PTCH1: variants seen among roughly 807,000 people sequenced by gnomAD.
The protein encoded by PTCH1 is patched 1, also known as protein patched homolog 1.
Under a neutral mutation model 144.6 loss-of-function variants are expected in PTCH1, and 14 were observed. That is an observed-to-expected ratio of 0.10 (90% confidence interval 0.06 to 0.15). The LOEUF is 0.15. Among genes scored for constraint, PTCH1 ranks in the 10% least tolerant of loss-of-function variants. The pLI is 1.00. For synonymous variants in PTCH1, 833 were observed against 793.6 expected, an observed-to-expected ratio of 1.05 and a Z score of -0.83; for missense variants, 1,623 against 1,948.3, an observed-to-expected ratio of 0.83 and a Z score of 3.14.
At position 95,459,649 on chromosome 9, in the gene PTCH1, T is replaced by C. The variant is rs1161536679; in HGVS notation, c.2838A>G (p.Pro946=). The change falls in exon 17 of 24, where the codon CCA becomes CCG. Residue 946 remains proline, a synonymous_variant. Transcript: ENST00000331920. ...AGTCGGCTTTGTCGTGGACCCATTCTGGTCGGTGTGGCCGGATGTTGGCCT... is the reference window on the plus strand; with the variant it reads ...AGTCGGCTTTGTCGTGGACCCATTCCGGTCGGTGTGGCCGGATGTTGGCCT... ...ASQANIRPHR[P]EWVHDKADYM... The C allele has an allele frequency of 6.2e-7, 1 of 1,614,192 alleles. No homozygotes were observed. The highest frequency in any genetic ancestry group is 8.5e-7 in the Non-Finnish European group (1 of 1,180,040).
In PTCH1 at chr9:95,506,681, G is replaced by C. The variant is rs958190636; in HGVS notation, c.202-82C>G. The C allele has an allele frequency of 3.3e-5, 38 of 1,151,716 alleles. No individual in the cohort carries two copies. In the Admixed American group the frequency reaches 3.7e-4, roughly 11 times the overall value. The allele number at this position is 1,151,716 out of a possible 1,614,324, so 71.3% of individuals were successfully genotyped here. On this transcript the variant is annotated intron_variant, in intron 1 of 23. Transcript: ENST00000331920. ...ACGCCCGCTTGCGCGCACCCGCCCG[G>C]TGAGCCCCCAACAGCCGTGGGGGCG...
chr9:95,490,792 G>A (rs1252463115), intron 2 of PTCH1, among the ~76,000 whole-genome samples: 3 of 152,118 alleles, frequency 2.0e-5, no homozygotes, highest in Non-Finnish European at 4.4e-5. Context: ...ATACATTCTA[G>A]TGTTCCATAG....
rs763935951 is a variant in PTCH1 at position 95,462,008 on chromosome 9, G to A, written c.2561-10C>T. On this transcript the variant is annotated splice_polypyrimidine_tract_variant and intron_variant, in intron 15 of 23. Transcript: ENST00000331920. ...AATGCATCCTGAAGTCCTAGAAATGGCAAATGATTGTAACACATTATAACT... is the reference window on the plus strand; with the variant it reads ...AATGCATCCTGAAGTCCTAGAAATGACAAATGATTGTAACACATTATAACT... 7 of 1,614,046 alleles carry A rather than the reference G, an allele frequency of 4.3e-6. No homozygotes were observed. The African/African-American group carries it at 9.3e-5, about 22-fold the overall frequency.
At chr9:95,491,418 G>A (rs1842400467) in intron 2 of PTCH1, among the ~76,000 whole-genome samples, 2 of 152,180 alleles carry the variant, frequency 1.3e-5, no homozygotes, top group Non-Finnish European at 2.9e-5. Flanking sequence ...GAACCTCACA[G>A]GACTGTGAGA....
intron 22 of PTCH1, among the ~76,000 whole-genome samples, chr9:95,448,431 G>A (rs910563657): frequency 2.0e-5 from 3 of 152,118 alleles, no homozygotes; most frequent in African/African-American, 7.2e-5. Context: ...GTGGAGGAAA[G>A]GACCCAGGTC....
upstream of PTCH1, among the ~76,000 whole-genome samples, chr9:95,510,484 C>G (rs1844091979): frequency 6.6e-6 from 1 of 152,154 alleles, no homozygotes; most frequent in African/African-American, 2.4e-5. Context: ...CCAGACACGT[C>G]TACACAACTA....
intron 18 of PTCH1, among the ~76,000 whole-genome samples, chr9:95,456,924 T>C (rs1463108925): frequency 6.6e-6 from 1 of 152,092 alleles, no homozygotes; most frequent in Non-Finnish European, 1.5e-5. Flanking sequence ...AGTTTTGCTT[T>C]TGTGAGTGAA....
At chr9:95,516,794 A>T (rs764045852) in exon 1 of PTCH1, 2 of 1,611,488 alleles carry the variant, frequency 1.2e-6, no homozygotes, top group South Asian at 2.2e-5. Flanking sequence ...TCACAATTAC[A>T]AGCCTGTTTC....
Position 95,477,700 on chromosome 9 carries a change from G to A in PTCH1, c.1350C>T (p.Leu450=), listed in dbSNP as rs369109033. ...IRVASGYLLM[L]AYACLTMLRW... ...GCAGCATGGTTAGACAGGCATAGGC[G>A]AGCTGCAAGCAGAACAATGGGGGCA... is the stretch of plus-strand genomic sequence containing the variant. The change falls in exon 10 of 24, where the codon CTC becomes CTT. Residue 450 remains leucine, a splice_region_variant and synonymous_variant. Transcript: ENST00000331920. 8.7e-6 allele frequency: 14 copies of A among 1,613,960 alleles called. No individual in the cohort carries two copies. The African/African-American group carries it at 9.3e-5, about 11-fold the overall frequency.
chr9:95,508,065 G>C, intron 1 of PTCH1, 96 bp downstream of exon 1: 1 of 1,573,886 alleles, frequency 6.4e-7, no homozygotes, highest in Non-Finnish European at 8.6e-7. Flanking sequence ...GTGTGAGAGA[G>C]AGAGGAAGAG....
chr9:95,497,092 A>C (rs1842845596), intron 2 of PTCH1, among the ~76,000 whole-genome samples: 1 of 152,244 alleles, frequency 6.6e-6, no homozygotes. Flanking sequence ...TAAATTTCTT[A>C]ATCAGGAGAA....
intron 3 of PTCH1, chr9:95,483,095 C>T (rs1407380028): frequency 2.7e-5 from 4 of 150,666 alleles, no homozygotes; most frequent in Non-Finnish European, 4.4e-5. Context: ...GTGACTCTAT[C>T]TCTACAAAAA....
chr9:95,476,193 A>G lies in PTCH1; in HGVS notation c.1603-34T>C. The G allele has an allele frequency of 6.2e-7, 1 of 1,600,398 alleles. No homozygotes were observed. Among genetic ancestry groups the G allele is most frequent in the South Asian group, 1.1e-5 (1 of 88,998 alleles). ...AAAAAAACACAGCGCTGAGAGCTGCACTGGACATGGTCCCCTTGGAGCACA... is the reference window on the plus strand; with the variant it reads ...AAAAAAACACAGCGCTGAGAGCTGCGCTGGACATGGTCCCCTTGGAGCACA... On this transcript the variant is annotated intron_variant, in intron 11 of 23. Transcript: ENST00000331920. This position sits in a 1 kb window ranked among gnomAD's most constrained non-coding sequence, Gnocchi z 4.6.
intron 3 of PTCH1, chr9:95,483,224 T>A (rs1841694715): frequency 6.6e-6 from 1 of 151,554 alleles, no homozygotes; most frequent in African/African-American, 2.4e-5. Flanking sequence ...CTGTGATTGC[T>A]CCACTGCACT....
rs573861226 is a variant in PTCH1, at chr9:95,485,079, G to A, written c.584+606C>T. On this transcript the variant is annotated intron_variant, in intron 3 of 23. Transcript: ENST00000331920. Reference sequence around the variant, plus strand: ...AAATTAGCCAGGTGTGGTGGTGGGCGCCTCTAGCCCCAGCTCCTTGGGAAG... The same window carrying A: ...AAATTAGCCAGGTGTGGTGGTGGGCACCTCTAGCCCCAGCTCCTTGGGAAG... Among the ~76,000 whole-genome samples, 18 of 152,152 alleles carry A rather than the reference G, an allele frequency of 1.2e-4. No individual in the cohort carries two copies. The Middle Eastern group carries it at 0.01, about 86-fold the overall frequency.
rs188320042 is a variant in PTCH1 at position 95,445,490 on chromosome 9, C to G, written c.*903G>C. ...GGTTCCAGCATCCATCACAATGATC[C>G]GAGAGAAGGAGATTATCCCCCTGAA... On this transcript the variant is annotated 3_prime_UTR_variant, in exon 24 of 24. Coordinates refer to ENST00000331920, the MANE Select transcript of PTCH1 (RefSeq NM_000264.5). 2 of 152,144 alleles carry G rather than the reference C, an allele frequency of 1.3e-5. No homozygotes were observed. The highest frequency in any genetic ancestry group is 2.9e-5 in the Non-Finnish European group (2 of 68,090). The allele number at this position is 152,144 out of a possible 1,614,324, so 9.4% of individuals were successfully genotyped here. A position where few individuals can be genotyped will look rare whatever the true frequency, so the allele number is the denominator to read the frequency against.
Position 95,508,490 on chromosome 9 carries a change from TGCTCGG to T in PTCH1, c.-135_-130del, listed in dbSNP as rs1488436768. The T allele has an allele frequency of 9.8e-7, 1 of 1,020,416 alleles. No homozygotes were observed. The highest frequency in any genetic ancestry group is 1.2e-6 in the Non-Finnish European group (1 of 852,750). The allele number at this position is 1,020,416 out of a possible 1,614,324, so 63.2% of individuals were successfully genotyped here. ...TGCGAGGACGCTGCTGGCCGCAGGC[TGCTCGG>T]GCTCGGGCTCCGGTTGACAGACCAG... is the stretch of plus-strand genomic sequence containing the variant. On this transcript the variant is annotated 5_prime_UTR_variant, in exon 1 of 24. Coordinates refer to ENST00000331920, the MANE Select transcript of PTCH1 (RefSeq NM_000264.5).
rs374925544 is a variant in PTCH1, at chr9:95,449,813, C to T, written c.3549+28G>A. The T allele has an allele frequency of 4.4e-5, 69 of 1,578,388 alleles. No homozygotes were observed. Among genetic ancestry groups the T allele is most frequent in the East Asian group, 1.1e-4 (5 of 44,690 alleles). Reference sequence around the variant, plus strand: ...AAACACAGCATTCAGCCGGCCTACACGTGGGACATCCCCGTGTCACTACTG... The same window carrying T: ...AAACACAGCATTCAGCCGGCCTACATGTGGGACATCCCCGTGTCACTACTG... On this transcript the variant is annotated intron_variant, in intron 21 of 23. Coordinates refer to ENST00000331920, the MANE Select transcript of PTCH1 (RefSeq NM_000264.5). This position sits in a 1 kb window ranked among gnomAD's most constrained non-coding sequence, Gnocchi z 5.3.
chr9:95,482,236 T>C (rs1256388526), intron 3 of PTCH1, 33 bp from the exon 4 acceptor site: 1 of 1,594,188 alleles, frequency 6.3e-7, no homozygotes. Context: ...CAAAAATTTC[T>C]CACTGTAATA....
Sources: allele counts gnomAD v4.1 joint callset (sites outside exome capture counted in the v4.1 genomes callset), GRCh38; gene constraint gnomAD v4.1.1; non-coding constraint Gnocchi (gnomAD v3.1); transcripts MANE v1.5; gene names NCBI Gene and HGNC (gene_info 2026-07-23, HGNC 2026-07-21).